Variants in LHFPL2 observed in about 807,000 individuals in gnomAD.
The protein encoded by LHFPL2 is LHFPL tetraspan subfamily member 2 protein.
A neutral mutation model predicts 17.5 loss-of-function variants in LHFPL2; 7 were observed. The observed-to-expected ratio is 0.40, with a 90% CI of 0.23 to 0.75. The LOEUF (loss-of-function observed/expected upper bound fraction) is 0.75. Ranked by LOEUF, LHFPL2 falls within the 30% of genes least tolerant of loss-of-function variation. The probability of loss-of-function intolerance (pLI) is 0.37; values close to 1 mark genes in which losing one functional copy is unlikely to be tolerated. For missense variants in LHFPL2, 241 were observed against 294.8 expected, an observed-to-expected ratio of 0.82 and a Z score of 1.34; for synonymous variants, 134 against 116.2, an observed-to-expected ratio of 1.15 and a Z score of -0.99.
At chr5:78,578,015 T>G (rs769535804) in intron 2 of LHFPL2, among the ~76,000 whole-genome samples, 1 of 152,228 alleles carries the variant, frequency 6.6e-6, no homozygotes, top group Non-Finnish European at 1.5e-5. Context: ...TTCTTTGAAC[T>G]CTTCTCTTTC....
intron 4 of LHFPL2, among the ~76,000 whole-genome samples, chr5:78,496,260 T>C (rs1754603184): frequency 2.0e-5 from 3 of 152,174 alleles, no homozygotes. Context: ...TTTTAGGAAC[T>C]TGGTTATAGG....
chr5:78,566,454 T>C (rs1469556614), intron 2 of LHFPL2, among the ~76,000 whole-genome samples: 1 of 151,106 alleles, frequency 6.6e-6, no homozygotes, highest in African/African-American at 2.4e-5. Context: ...GTTATAACAG[T>C]TAAGGAAACT....
intron 4 of LHFPL2, among the ~76,000 whole-genome samples, chr5:78,503,795 G>A (rs1754848583): frequency 6.6e-6 from 1 of 152,062 alleles, no homozygotes; most frequent in African/African-American, 2.4e-5. Context: ...TTTTATTTAT[G>A]ATATGGTTGA....
chr5:78,637,624 C>T (rs541216941), intron 1 of LHFPL2, among the ~76,000 whole-genome samples: 1 of 152,224 alleles, frequency 6.6e-6, no homozygotes, highest in African/African-American at 2.4e-5. Context: ...CTGGCATGCA[C>T]GGTTCAGCCC....
chr5:78,532,491 G>T (rs572690860), intron 3 of LHFPL2, among the ~76,000 whole-genome samples: 31 of 152,262 alleles, frequency 2.0e-4, no homozygotes, highest in African/African-American at 7.0e-4. Flanking sequence ...CAGAAAGACA[G>T]AAAGAGCCTG....
Position 78,510,307 on chromosome 5 carries a change from G to T in LHFPL2, c.-94C>A. The T allele has an allele frequency of 7.9e-7, 1 of 1,267,988 alleles. No individual in the cohort carries two copies. The highest frequency in any genetic ancestry group is 2.5e-5 in the East Asian group (1 of 39,394). The allele number at this position is 1,267,988 out of a possible 1,614,324, so 78.5% of individuals were successfully genotyped here. A position where few individuals can be genotyped will look rare whatever the true frequency, so the allele number is the denominator to read the frequency against. ...AAGGAGGCTCGGGCGGCCCGGGAAG[G>T]AAGTCGCAGCTGCAGTCATTCACTC... On this transcript the variant is annotated 5_prime_UTR_variant, in exon 4 of 5. Coordinates refer to ENST00000380345, the MANE Select transcript of LHFPL2 (RefSeq NM_005779.3).
intron 2 of LHFPL2, among the ~76,000 whole-genome samples, chr5:78,570,292 C>T (rs886774897): frequency 6.6e-5 from 10 of 152,062 alleles, no homozygotes; most frequent in Admixed American, 2.6e-4. Context: ...ACTGGGTTAA[C>T]GAGAGTGGAG....
At chr5:78,554,993 T>C (rs1020347440) in intron 3 of LHFPL2, among the ~76,000 whole-genome samples, 1 of 152,230 alleles carries the variant, frequency 6.6e-6, no homozygotes, top group Admixed American at 6.5e-5. Context: ...AAAATATTAA[T>C]TTTACTCCCT....
chr5:78,615,862 T>C (rs1190979400), intron 2 of LHFPL2, among the ~76,000 whole-genome samples: 2 of 152,120 alleles, frequency 1.3e-5, no homozygotes. Flanking sequence ...TTTTCGACCA[T>C]CTGATAAGGG....
chr5:78,618,852 G>A (rs116553783), intron 2 of LHFPL2, among the ~76,000 whole-genome samples: 26 of 152,234 alleles, frequency 1.7e-4, no homozygotes, highest in Non-Finnish European at 3.4e-4. Flanking sequence ...TTCGGGACTC[G>A]GAGCCTGAGA....
chr5:78,562,447 C>G lies in LHFPL2; in HGVS notation c.-186+2366G>C, dbSNP rs76689232. ...ACTACATAACAGAAAGCAAGATCAC[C>G]AACATGGCGAAACCCAGTCTCTGCT... On this transcript the variant is annotated intron_variant, in intron 3 of 4. Transcript: ENST00000380345. 9.0e-3 allele frequency among the ~76,000 whole-genome samples: 1,372 copies of G among 152,116 alleles called. 15 individuals carry two copies. Among genetic ancestry groups the G allele is most frequent in the African/African-American group, 0.031 (1,302 of 41,504 alleles).
At chr5:78,507,686 C>T (rs1754972246) in intron 4 of LHFPL2, among the ~76,000 whole-genome samples, 1 of 152,028 alleles carries the variant, frequency 6.6e-6, no homozygotes, top group African/African-American at 2.4e-5. Context: ...AGAAGCACTC[C>T]TACATGACAA....
At chr5:78,635,406 T>C (rs10068307) in intron 1 of LHFPL2, among the ~76,000 whole-genome samples, 64,347 of 152,100 alleles carry the variant, frequency 0.42, 15,370 homozygotes, top group African/African-American at 0.66. Flanking sequence ...GGAAAAGGGA[T>C]GGTTTCTGCC....
chr5:78,536,158 G>C (rs946362744), intron 3 of LHFPL2, among the ~76,000 whole-genome samples: 3 of 152,174 alleles, frequency 2.0e-5, no homozygotes, highest in African/African-American at 4.8e-5. Context: ...CATGGAGAGT[G>C]GGGGGATCAG....
chr5:78,555,530 G>A (rs1756549140), intron 3 of LHFPL2, among the ~76,000 whole-genome samples: 1 of 152,234 alleles, frequency 6.6e-6, no homozygotes, highest in African/African-American at 2.4e-5. Context: ...TGGGATGTGG[G>A]CAGAGGGGGA....
chr5:78,510,466 ACCGT>A (rs1755080953), intron 3 of LHFPL2, 68 bp from the exon 4 acceptor site: 1 of 497,772 alleles, frequency 2.0e-6, no homozygotes, highest in African/African-American at 2.0e-5. Flanking sequence ...GCGCAGCGAC[ACCGT>A]CCAAGTCCGG....
chr5:78,520,918 T>C (rs1268762101), intron 3 of LHFPL2, among the ~76,000 whole-genome samples: 1 of 152,248 alleles, frequency 6.6e-6, no homozygotes, highest in Non-Finnish European at 1.5e-5. Flanking sequence ...CTTTCTTATA[T>C]ACTTTTCCTT....
chr5:78,565,433 ATTAGT>A (rs968134808), intron 2 of LHFPL2, among the ~76,000 whole-genome samples: 1 of 152,234 alleles, frequency 6.6e-6, no homozygotes, highest in African/African-American at 2.4e-5. Flanking sequence ...CTTATTAATG[ATTAGT>A]TTATTTAGAA....
At chr5:78,622,839 G>C (rs1180403395) in intron 2 of LHFPL2, among the ~76,000 whole-genome samples, 1 of 152,174 alleles carries the variant, frequency 6.6e-6, no homozygotes, top group Non-Finnish European at 1.5e-5. Flanking sequence ...ATCCAGAAAA[G>C]ACCAGAAGAT....
Sources: allele counts gnomAD v4.1 joint callset (sites outside exome capture counted in the v4.1 genomes callset), GRCh38; gene constraint gnomAD v4.1.1; transcripts MANE v1.5; gene names NCBI Gene and HGNC (gene_info 2026-07-23, HGNC 2026-07-21).